Variants in TBC1D22A observed in about 807,000 individuals in gnomAD.
The protein encoded by TBC1D22A is TBC1 domain family member 22A.
Under a neutral mutation model 60.2 loss-of-function variants are expected in TBC1D22A, and 38 were observed. The ratio of observed to expected loss-of-function variants is 0.63; its 90% confidence interval spans 0.49 to 0.83. The LOEUF (loss-of-function observed/expected upper bound fraction) is 0.83, where lower values mean the gene tolerates loss of function less well. TBC1D22A is among the 40% of genes least tolerant of loss of function. The probability of loss-of-function intolerance (pLI) is 0.00; values close to 1 mark genes in which losing one functional copy is unlikely to be tolerated. For missense variants in TBC1D22A, 628 were observed against 701.0 expected, an observed-to-expected ratio of 0.90 and a Z score of 1.18; for synonymous variants, 302 against 281.7, an observed-to-expected ratio of 1.07 and a Z score of -0.72.
Position 46,894,644 on chromosome 22 carries a change from A to T in TBC1D22A, c.838-140A>T, listed in dbSNP as rs888425828. Reference sequence around the variant, plus strand: ...CTCCTTCAGGGGAGAAGGTGGTAACATGGAGAACGAGAATCCTCAAGGAGA... The same window carrying T: ...CTCCTTCAGGGGAGAAGGTGGTAACTTGGAGAACGAGAATCCTCAAGGAGA... On this transcript the variant is annotated intron_variant, in intron 6 of 12. Coordinates refer to ENST00000337137, the MANE Select transcript of TBC1D22A (RefSeq NM_014346.5). 7.0e-5 allele frequency: 69 copies of T among 979,094 alleles called. No homozygotes were observed. In the South Asian group the frequency reaches 9.3e-4, roughly 13 times the overall value. 60.7% of individuals were successfully genotyped at this position (979,094 alleles called of 1,614,324 possible). A position where few individuals can be genotyped will look rare whatever the true frequency, so the allele number is the denominator to read the frequency against.
intron 11 of TBC1D22A, among the ~76,000 whole-genome samples, chr22:47,050,821 A>G (rs906946508): frequency 1.3e-5 from 2 of 152,134 alleles, no homozygotes; most frequent in African/African-American, 4.8e-5. Flanking sequence ...ACAGCCTGGG[A>G]GGAGCCTGTG....
intron 11 of TBC1D22A, among the ~76,000 whole-genome samples, chr22:47,103,611 C>G (rs945795690): frequency 3.9e-5 from 6 of 152,142 alleles, no homozygotes; most frequent in African/African-American, 1.4e-4. Context: ...ATCCTAGTTA[C>G]AGTGCAGAGA....
chr22:46,913,860 A>G (rs2070144784), intron 8 of TBC1D22A: 4 of 720,672 alleles, frequency 5.6e-6, no homozygotes, highest in Non-Finnish European at 6.8e-6. Flanking sequence ...TCTGCAAGAC[A>G]GGATGAAGGG....
At chr22:46,765,671 C>T (rs780533945) in intron 1 of TBC1D22A, among the ~76,000 whole-genome samples, 79 of 151,746 alleles carry the variant, frequency 5.2e-4, no homozygotes, top group Admixed American at 1.1e-3. Flanking sequence ...TTCGCCATGT[C>T]GGCCAGGCTA....
At position 47,010,000 on chromosome 22, in the gene TBC1D22A, A is replaced by G. The variant is rs570390327; in HGVS notation, c.1201+12291A>G. Among the ~76,000 whole-genome samples the G allele has an allele frequency of 1.2e-4, 19 of 152,334 alleles. No homozygotes were observed. The highest frequency in any genetic ancestry group is 3.8e-4 in the African/African-American group (16 of 41,580). On this transcript the variant is annotated intron_variant, in intron 10 of 12. Coordinates refer to ENST00000337137, the MANE Select transcript of TBC1D22A (RefSeq NM_014346.5). This position sits in a 1 kb window ranked among gnomAD's most constrained non-coding sequence, Gnocchi z 5.8. ...TTAGTCATATCTTACACTTTCACCT[A>G]TAAGGAAGAAAATGCCAACAAAACG...
At chr22:47,138,495 G>T (rs1437038448) in intron 12 of TBC1D22A, among the ~76,000 whole-genome samples, 1 of 152,216 alleles carries the variant, frequency 6.6e-6, no homozygotes, top group Non-Finnish European at 1.5e-5. Context: ...GTGAAGCTGT[G>T]TGTCCCGGCA....
intron 11 of TBC1D22A, among the ~76,000 whole-genome samples, chr22:47,109,445 C>T (rs2147712382): frequency 6.6e-6 from 1 of 152,200 alleles, no homozygotes; most frequent in Admixed American, 6.5e-5. Flanking sequence ...GAATATGCAC[C>T]CTCTTCATGT....
chr22:46,854,634 G>C (rs907642686), intron 4 of TBC1D22A, among the ~76,000 whole-genome samples: 2 of 150,822 alleles, frequency 1.3e-5, no homozygotes, highest in African/African-American at 4.9e-5. Context: ...AGACCTTTAT[G>C]ATGTCTGCCC....
chr22:47,024,060 G>A (rs79880348), intron 10 of TBC1D22A, among the ~76,000 whole-genome samples: 5,029 of 152,278 alleles, frequency 0.033, 150 homozygotes, highest in African/African-American at 0.074. Flanking sequence ...TGACAGGAGC[G>A]TAGGCGTCGG....
chr22:47,132,045 G>T (rs977712335), intron 12 of TBC1D22A, among the ~76,000 whole-genome samples: 1 of 152,144 alleles, frequency 6.6e-6, no homozygotes, highest in Non-Finnish European at 1.5e-5. Flanking sequence ...TGCAGTGTGC[G>T]GCCAGTTTCT....
intron 10 of TBC1D22A, among the ~76,000 whole-genome samples, chr22:47,026,820 GATC>G: frequency 6.6e-6 from 1 of 152,246 alleles, no homozygotes; most frequent in South Asian, 2.1e-4. Flanking sequence ...TCACCAAACT[GATC>G]ATACATTCTA....
At chr22:47,106,370 A>G (rs1242125579) in intron 11 of TBC1D22A, among the ~76,000 whole-genome samples, 1 of 152,210 alleles carries the variant, frequency 6.6e-6, no homozygotes, top group Non-Finnish European at 1.5e-5. Flanking sequence ...ACCGCAAAAC[A>G]TCCAAGACAA....
At chr22:47,011,985 C>T (rs1331866916) in intron 10 of TBC1D22A, among the ~76,000 whole-genome samples, 1 of 151,948 alleles carries the variant, frequency 6.6e-6, no homozygotes, top group Admixed American at 6.6e-5. Flanking sequence ...AAATCCTTTC[C>T]CACCCCGCTC....
intron 4 of TBC1D22A, among the ~76,000 whole-genome samples, chr22:46,821,886 G>A (rs1436202950): frequency 6.6e-6 from 1 of 151,938 alleles, no homozygotes; most frequent in African/African-American, 2.4e-5. Context: ...GCAATCGTAG[G>A]TTCGGTCATT....
intron 7 of TBC1D22A, among the ~76,000 whole-genome samples, chr22:46,910,212 C>A (rs937298852): frequency 1.3e-5 from 2 of 152,198 alleles, no homozygotes; most frequent in African/African-American, 4.8e-5. Context: ...TGTTACTCAC[C>A]TGAACAGCCG....
chr22:46,812,921 G>C (rs2085443949), intron 4 of TBC1D22A, among the ~76,000 whole-genome samples: 1 of 152,166 alleles, frequency 6.6e-6, no homozygotes, highest in Non-Finnish European at 1.5e-5. Context: ...TGCTGCAGTT[G>C]ATCTTTGTGG....
intron 11 of TBC1D22A, among the ~76,000 whole-genome samples, chr22:47,041,913 G>A (rs1462306820): frequency 1.3e-5 from 2 of 152,244 alleles, no homozygotes; most frequent in Non-Finnish European, 2.9e-5. Context: ...CCAGCGAGCT[G>A]TGGTTTGCTT....
intron 10 of TBC1D22A, among the ~76,000 whole-genome samples, chr22:47,027,735 A>G: frequency 6.6e-6 from 1 of 152,256 alleles, no homozygotes; most frequent in East Asian, 1.9e-4. Flanking sequence ...AATTTGGACA[A>G]ATAAATCGGA....
intron 8 of TBC1D22A, among the ~76,000 whole-genome samples, chr22:46,920,115 C>G (rs867091765): frequency 6.7e-6 from 1 of 148,198 alleles, no homozygotes; most frequent in Non-Finnish European, 1.5e-5. Flanking sequence ...GAGTGTTGCT[C>G]TATTGCCTAG....
Sources: allele counts gnomAD v4.1 joint callset (sites outside exome capture counted in the v4.1 genomes callset), GRCh38; gene constraint gnomAD v4.1.1; non-coding constraint Gnocchi (gnomAD v3.1); transcripts MANE v1.5; gene names NCBI Gene and HGNC (gene_info 2026-07-23, HGNC 2026-07-21).